Variants in COL4A3 observed in about 807,000 individuals in gnomAD.
COL4A3 encodes the protein collagen type IV alpha 3 chain.
Under a neutral mutation model 217.4 loss-of-function variants are expected in COL4A3, and 135 were observed. That is an observed-to-expected ratio of 0.62 (90% CI 0.54 to 0.72). The LOEUF is 0.72. Among genes scored for constraint, COL4A3 ranks in the 30% least tolerant of loss-of-function variants. The probability of loss-of-function intolerance (pLI) is 0.00; values close to 1 mark genes in which losing one functional copy is unlikely to be tolerated. For missense variants in COL4A3, 1,868 were observed against 2,119.9 expected (o/e 0.88, Z 2.33); for synonymous variants, 690 against 736.3 (o/e 0.94, Z 1.02).
In COL4A3 at chr2:227,187,794, TCTC is replaced by T. The variant is rs374277172; in HGVS notation, c.87+22984_87+22986del. Among the ~76,000 whole-genome samples, 16 of 152,294 alleles carry T rather than the reference TCTC, an allele frequency of 1.1e-4. No homozygotes were observed. In the East Asian group the frequency reaches 2.9e-3, roughly 28 times the overall value. ...TCATGGTTTCTATTCATTCATGTCT[TCTC>T]CTTCCAGAGTGTCTGCCTTCTACCT... On this transcript the variant is annotated intron_variant, in intron 1 of 51. Transcript: ENST00000396578.
rs1156342964 is a variant in COL4A3, at chr2:227,248,473, C to G, written c.499C>G (p.Leu167Val). Residue 167 changes from leucine (L) to valine (V), a missense_variant, in exon 9 of 52, where the codon CTT (leucine) becomes GTT (valine). By Grantham distance (32) the Leu-to-Val change is conservative. This residue lies in a region of COL4A3 where 365 missense variants were observed against 333.8 expected (regional missense o/e 1.09). Transcript: ENST00000396578. Reference sequence around the variant, plus strand: ...TCCTGCTAAAGAAGAAGATATAGAACTTGATGCAAAAGGCGACCCCGGGTT... The same window carrying G: ...TCCTGCTAAAGAAGAAGATATAGAAGTTGATGCAAAAGGCGACCCCGGGTT... ...GAPAKEEDIE[L>V]DAKGDPGLPG... 1 of 1,612,884 alleles carries G rather than the reference C, an allele frequency of 6.2e-7. No individual in the cohort carries two copies. The highest frequency in any genetic ancestry group is 1.3e-5 in the African/African-American group (1 of 74,842).
chr2:227,196,100 A>G (rs548273901), intron 1 of COL4A3, among the ~76,000 whole-genome samples: 2 of 152,226 alleles, frequency 1.3e-5, no homozygotes, highest in East Asian at 3.9e-4. Context: ...TAAAAAAGTT[A>G]TAGTGGGCTC....
chr2:227,277,345 G>T (rs1187043683), intron 27 of COL4A3, 104 bp from the exon 28 acceptor site: 11 of 728,640 alleles, frequency 1.5e-5, no homozygotes, highest in Admixed American at 2.5e-5. Context: ...AAAAAACAAT[G>T]TGCAAAAGGG....
At chr2:227,276,527 C>A (rs2071576694) in intron 27 of COL4A3, 50 bp downstream of exon 27, 3 of 1,329,498 alleles carry the variant, frequency 2.3e-6, no homozygotes, top group African/African-American at 2.9e-5. Context: ...ACACACAACA[C>A]CCTGACTCTC....
chr2:227,290,343 C>CA (rs957644019), intron 36 of COL4A3, among the ~76,000 whole-genome samples: 2 of 151,584 alleles, frequency 1.3e-5, no homozygotes, highest in Non-Finnish European at 2.9e-5. Flanking sequence ...ACTAAAGATA[C>CA]AAAAAAAATA....
chr2:227,178,875 T>A (rs754586380), intron 1 of COL4A3, among the ~76,000 whole-genome samples: 8 of 151,724 alleles, frequency 5.3e-5, no homozygotes, highest in Non-Finnish European at 1.2e-4. Context: ...ATCAAATTAG[T>A]AGAGAAAGTG....
chr2:227,215,032 C>T (rs956089874), intron 1 of COL4A3, among the ~76,000 whole-genome samples: 1 of 152,154 alleles, frequency 6.6e-6, no homozygotes, highest in African/African-American at 2.4e-5. Flanking sequence ...GTTTACTCGG[C>T]TTAGAATGTG....
At chr2:227,173,123 A>G (rs2065551786) in intron 1 of COL4A3, among the ~76,000 whole-genome samples, 1 of 152,238 alleles carries the variant, frequency 6.6e-6, no homozygotes, top group African/African-American at 2.4e-5. Context: ...AAAATGAGTT[A>G]GAGCAAAGCT....
intron 2 of COL4A3, among the ~76,000 whole-genome samples, chr2:227,239,403 T>TG (rs75544910): frequency 0.2 from 29,982 of 152,046 alleles, 3,129 homozygotes; most frequent in Middle Eastern, 0.24. Flanking sequence ...GGTTTTCGTG[T>TG]GGGGGGAAGG....
chr2:227,171,197 A>G (rs572173681), intron 1 of COL4A3, among the ~76,000 whole-genome samples: 5 of 152,196 alleles, frequency 3.3e-5, no homozygotes, highest in Non-Finnish European at 7.3e-5. Flanking sequence ...TTTTCCCTGA[A>G]AGAAACTAGA....
intron 1 of COL4A3, chr2:227,228,767 T>G (rs2068233396): frequency 6.6e-6 from 1 of 152,214 alleles, no homozygotes; most frequent in African/African-American, 2.4e-5. Flanking sequence ...AGATCCTTCA[T>G]GAGTTTTAAG....
intron 24 of COL4A3, 51 bp from the exon 25 acceptor site, chr2:227,270,716 CAGA>C (rs760556179): frequency 3.6e-5 from 57 of 1,568,052 alleles, no homozygotes; most frequent in East Asian, 6.7e-5. Flanking sequence ...TTAAGATTGA[CAGA>C]AGAAGAATTC....
chr2:227,199,262 AGC>A (rs1471809167), intron 1 of COL4A3, among the ~76,000 whole-genome samples: 2 of 152,218 alleles, frequency 1.3e-5, no homozygotes, highest in Non-Finnish European at 2.9e-5. Flanking sequence ...GTAGTTTTAT[AGC>A]AGAGTTAGTC....
chr2:227,274,602 T>G (rs12471838), intron 26 of COL4A3, among the ~76,000 whole-genome samples: 131,658 of 151,914 alleles, frequency 0.87, 57,326 homozygotes, highest in Non-Finnish European at 0.92. Context: ...AAATTCAAGT[T>G]ACTCTCCTGT....
intron 37 of COL4A3, among the ~76,000 whole-genome samples, chr2:227,291,957 A>G (rs2072770132): frequency 6.6e-6 from 1 of 152,248 alleles, no homozygotes; most frequent in Non-Finnish European, 1.5e-5. Context: ...AAGTTCCTAT[A>G]AGCAGAAGTT....
At chr2:227,284,940 T>C (rs1463429751) in intron 34 of COL4A3, among the ~76,000 whole-genome samples, 1 of 152,166 alleles carries the variant, frequency 6.6e-6, no homozygotes, top group Non-Finnish European at 1.5e-5. Flanking sequence ...TATGGCAGTT[T>C]TCATGATATG....
intron 1 of COL4A3, among the ~76,000 whole-genome samples, chr2:227,185,467 T>C (rs1167037438): frequency 6.6e-6 from 1 of 152,204 alleles, no homozygotes; most frequent in East Asian, 1.9e-4. Context: ...TTGTACACGT[T>C]GTTCTTGCTC....
chr2:227,269,941 C>T lies in COL4A3; in HGVS notation c.1536C>T (p.Ser512=), dbSNP rs931802631. The T allele has an allele frequency of 6.2e-7, 1 of 1,613,864 alleles. No homozygotes were observed. Among genetic ancestry groups the T allele is most frequent in the Admixed American group, 1.7e-5 (1 of 60,010 alleles). The part of the protein sequence containing the change: ...GRQGAAGLKG[S]PGSPGNTGLP... ...AAGGCGCAGCTGGCTTGAAAGGAAG[C>T]CCAGGGTCCCCAGGAAATACAGGTC... The change falls in exon 24 of 52, where the codon AGC becomes AGT. Residue 512 remains serine, a synonymous_variant. Transcript: ENST00000396578.
intron 38 of COL4A3, chr2:227,293,844 C>T: frequency 2.2e-6 from 1 of 463,576 alleles, no homozygotes; most frequent in South Asian, 1.6e-5. Context: ...CAGTGTTTTC[C>T]AAGTGTCTGA....
Sources: gnomAD v4.1 joint callset for allele counts (sites outside exome capture counted in the v4.1 genomes callset) on GRCh38, gnomAD v4.1.1 for gene constraint, gnomAD v4.1.1 regional missense constraint, MANE v1.5 for transcripts, NCBI Gene and HGNC (gene_info 2026-07-23, HGNC 2026-07-21) for gene names.